Variants in NIPAL2 observed in about 807,000 individuals in gnomAD.
NIPAL2 encodes the protein NIPA-like protein 2.
NIPAL2 carries 43 observed loss-of-function variants against 48.9 expected under a neutral mutation model. The observed-to-expected ratio is 0.88, with a 90% CI of 0.69 to 1.13. The LOEUF (loss-of-function observed/expected upper bound fraction) is 1.13. Among genes scored for constraint, NIPAL2 ranks in the 50% most tolerant of loss-of-function variants. The probability of loss-of-function intolerance (pLI) is 0.00; values close to 1 mark genes in which losing one functional copy is unlikely to be tolerated. For missense variants in NIPAL2, 446 were observed against 461.4 expected (o/e 0.97, Z 0.31); for synonymous variants, 167 against 174.6 (o/e 0.96, Z 0.34).
chr8:98,234,020 TC>T (rs140202828), intron 4 of NIPAL2, among the ~76,000 whole-genome samples: 10,419 of 152,110 alleles, frequency 0.068, 470 homozygotes, highest in East Asian at 0.1. Flanking sequence ...AGTAATTTTG[TC>T]CCCTAGGAGA....
chr8:98,272,539 A>G (rs1815197478), intron 1 of NIPAL2, among the ~76,000 whole-genome samples: 1 of 152,158 alleles, frequency 6.6e-6, no homozygotes, highest in African/African-American at 2.4e-5. Flanking sequence ...AATGTAGTGT[A>G]TTAAGAAACA....
At chr8:98,223,196 TTTAA>T (rs1326502317) in intron 4 of NIPAL2, among the ~76,000 whole-genome samples, 1 of 151,904 alleles carries the variant, frequency 6.6e-6, no homozygotes, top group Non-Finnish European at 1.5e-5. Context: ...GCTGTAGGAG[TTTAA>T]TTAATCCAAT....
chr8:98,237,969 C>T (rs927247623), intron 3 of NIPAL2, among the ~76,000 whole-genome samples: 2 of 152,186 alleles, frequency 1.3e-5, no homozygotes, highest in Non-Finnish European at 2.9e-5. Flanking sequence ...CTGTATCTAG[C>T]ACATAAAAGG....
intron 5 of NIPAL2, 36 bp downstream of exon 5, chr8:98,222,443 T>C: frequency 1.9e-6 from 3 of 1,605,842 alleles, no homozygotes; most frequent in East Asian, 2.2e-5. Context: ...CTGGATAATA[T>C]AGCTTCGGGG....
intron 1 of NIPAL2, among the ~76,000 whole-genome samples, chr8:98,254,435 AG>A (rs1181779431): frequency 6.6e-6 from 1 of 152,014 alleles, no homozygotes; most frequent in Non-Finnish European, 1.5e-5. Flanking sequence ...TATCTTTTGG[AG>A]GACTGTGATA....
chr8:98,221,291 A>G (rs1206137837), intron 5 of NIPAL2, among the ~76,000 whole-genome samples: 1 of 150,904 alleles, frequency 6.6e-6, no homozygotes, highest in East Asian at 1.9e-4. Flanking sequence ...TCATTCTTTT[A>G]TACATCTCTT....
chr8:98,276,763 TTTTTTTCTTTTC>T (rs949911008), intron 1 of NIPAL2, among the ~76,000 whole-genome samples: 1 of 151,884 alleles, frequency 6.6e-6, no homozygotes, highest in South Asian at 2.1e-4. Flanking sequence ...TTCTTTCTTT[TTTTTTTCTTTTC>T]TTTTTTCTTT....
intron 1 of NIPAL2, among the ~76,000 whole-genome samples, chr8:98,271,377 A>G (rs1815113449): frequency 1.3e-5 from 2 of 152,162 alleles, no homozygotes; most frequent in African/African-American, 2.4e-5. Context: ...TTCTTTCAGC[A>G]GTATTTTGTA....
Position 98,209,445 on chromosome 8 carries a change from CAAA to C in NIPAL2, c.655+2957_655+2959del, listed in dbSNP as rs33923448. On this transcript the variant is annotated intron_variant, in intron 6 of 10. Transcript: ENST00000430223. The stretch of plus-strand genomic sequence containing the variant: ...GCAGCATGGGGATACCCTGTCTCTC[CAAA>C]AAAAAAAAAAAAAAAAAAAATTAGC... 7.1e-5 allele frequency among the ~76,000 whole-genome samples: 5 copies of C among 70,510 alleles called. No homozygotes were observed. In the East Asian group the frequency reaches 1.3e-3, roughly 18 times the overall value. 46.3% of individuals were successfully genotyped at this position (70,510 alleles called of 152,430 possible).
At chr8:98,292,517 G>A (rs1037225743) in intron 1 of NIPAL2, among the ~76,000 whole-genome samples, 56 of 152,044 alleles carry the variant, frequency 3.7e-4, no homozygotes, top group African/African-American at 1.2e-3. Context: ...TTTCTAACCT[G>A]TACAAATACA....
chr8:98,232,124 C>G (rs146222322), intron 4 of NIPAL2, among the ~76,000 whole-genome samples: 2 of 152,084 alleles, frequency 1.3e-5, no homozygotes, highest in African/African-American at 4.8e-5. Context: ...GGGAAAAGTC[C>G]TTCCTTGGAC....
intron 1 of NIPAL2, among the ~76,000 whole-genome samples, chr8:98,275,954 A>G (rs1180966374): frequency 1.3e-5 from 2 of 152,168 alleles, no homozygotes; most frequent in Non-Finnish European, 2.9e-5. Flanking sequence ...TTTTTAGAGC[A>G]GTTTTAGGTT....
At chr8:98,218,608 G>A (rs1811692007) in intron 5 of NIPAL2, among the ~76,000 whole-genome samples, 1 of 152,188 alleles carries the variant, frequency 6.6e-6, no homozygotes, top group Non-Finnish European at 1.5e-5. Flanking sequence ...GAGGATCAGG[G>A]ATTTAAATAG....
intron 3 of NIPAL2, among the ~76,000 whole-genome samples, chr8:98,242,253 C>T (rs533362520): frequency 3.7e-4 from 57 of 152,074 alleles, no homozygotes; most frequent in Non-Finnish European, 6.8e-4. Context: ...AACCATGGCT[C>T]GCTGCAGCCT....
rs571861003 is a variant in NIPAL2 at position 98,192,278 on chromosome 8, A to G, written c.*700T>C. The G allele has an allele frequency of 6.6e-6, 1 of 152,276 alleles. No homozygotes were observed. Among genetic ancestry groups the G allele is most frequent in the South Asian group, 2.1e-4 (1 of 4,814 alleles). 9.4% of individuals were successfully genotyped at this position (152,276 alleles called of 1,614,324 possible). A position where few individuals can be genotyped will look rare whatever the true frequency, so the allele number is the denominator to read the frequency against. Reference sequence around the variant, plus strand: ...CTGTGCTAATCTCTGCATTGTTCCTATTTTAGTACATGGGCTACTGAAACA... The same window carrying G: ...CTGTGCTAATCTCTGCATTGTTCCTGTTTTAGTACATGGGCTACTGAAACA... On this transcript the variant is annotated 3_prime_UTR_variant, in exon 11 of 11. Coordinates refer to ENST00000430223, the MANE Select transcript of NIPAL2 (RefSeq NM_001321635.2).
chr8:98,228,716 A>G (rs1326780742), intron 4 of NIPAL2, among the ~76,000 whole-genome samples: 1 of 152,128 alleles, frequency 6.6e-6, no homozygotes, highest in East Asian at 1.9e-4. Context: ...CATCTGAGTT[A>G]AGCTTAAAAA....
At chr8:98,291,902 C>T (rs761617732) in intron 1 of NIPAL2, among the ~76,000 whole-genome samples, 29 of 152,212 alleles carry the variant, frequency 1.9e-4, no homozygotes, top group Admixed American at 1.6e-3. Flanking sequence ...TTGTCTTAGA[C>T]AACATTGATT....
intron 4 of NIPAL2, among the ~76,000 whole-genome samples, chr8:98,234,329 C>G (rs964351528): frequency 2.4e-4 from 37 of 152,112 alleles, no homozygotes; most frequent in African/African-American, 8.9e-4. Flanking sequence ...TCTTAATTAT[C>G]ATTTATCACT....
intron 1 of NIPAL2, among the ~76,000 whole-genome samples, chr8:98,258,654 G>C (rs914301408): frequency 1.3e-5 from 2 of 152,166 alleles, no homozygotes; most frequent in African/African-American, 4.8e-5. Flanking sequence ...GCCAATACCA[G>C]AAGCCATACT....
Sources: gnomAD v4.1 joint callset for allele counts (sites outside exome capture counted in the v4.1 genomes callset) on GRCh38, gnomAD v4.1.1 for gene constraint, MANE v1.5 for transcripts, NCBI Gene and HGNC (gene_info 2026-07-23, HGNC 2026-07-21) for gene names.